SEZ6L: variants seen among roughly 807,000 people sequenced by gnomAD.
The protein encoded by SEZ6L is seizure 6-like protein.
In SEZ6L, 37 loss-of-function variants were observed where a neutral mutation model predicts 106.2. The observed-to-expected ratio is 0.35, with a 90% CI of 0.27 to 0.46. The LOEUF (loss-of-function observed/expected upper bound fraction) is 0.46. SEZ6L is among the 20% of genes least tolerant of loss of function. The pLI, the probability that SEZ6L is intolerant of heterozygous loss-of-function variation, is 1.00. For synonymous variants in SEZ6L, 541 were observed against 570.4 expected, an observed-to-expected ratio of 0.95 and a Z score of 0.73; for missense variants, 1,172 against 1,332.8, an observed-to-expected ratio of 0.88 and a Z score of 1.88.
chr22:26,304,404 GAAAGAAA>G (rs2081566386), intron 5 of SEZ6L, among the ~76,000 whole-genome samples: 2 of 145,620 alleles, frequency 1.4e-5, no homozygotes, highest in Admixed American at 6.9e-5. Flanking sequence ...AAGAAAGAAA[GAAAGAAA>G]GAAAGAAAGA....
At chr22:26,364,712 C>A (rs758202573) in intron 12 of SEZ6L, 1 of 152,414 alleles carries the variant, frequency 6.6e-6, no homozygotes, top group South Asian at 2.1e-4. Flanking sequence ...ATAGGCTCAT[C>A]TCCAATGAGG....
intron 1 of SEZ6L, among the ~76,000 whole-genome samples, chr22:26,234,166 T>A (rs1182990934): frequency 6.6e-6 from 1 of 152,156 alleles, no homozygotes; most frequent in Non-Finnish European, 1.5e-5. Flanking sequence ...GGTGTCAGGA[T>A]CCAAGAGAGG....
At chr22:26,334,892 A>AGCCT (rs2082598067) in intron 9 of SEZ6L, among the ~76,000 whole-genome samples, 1 of 152,148 alleles carries the variant, frequency 6.6e-6, no homozygotes, top group Admixed American at 6.5e-5. Flanking sequence ...AGTCAGACCA[A>AGCCT]GCCTGCCTGC....
chr22:26,253,307 A>T (rs985612895), intron 1 of SEZ6L, among the ~76,000 whole-genome samples: 1 of 152,300 alleles, frequency 6.6e-6, no homozygotes, highest in East Asian at 1.9e-4. Flanking sequence ...CCACTCCTGC[A>T]TAAAATGTGT....
intron 1 of SEZ6L, among the ~76,000 whole-genome samples, chr22:26,245,835 T>C (rs560184758): frequency 5.4e-4 from 83 of 152,342 alleles, no homozygotes; most frequent in Admixed American, 1.2e-3. Context: ...TTGCTGCTAC[T>C]GCTGCTATTG....
chr22:26,210,647 T>C (rs573364974), intron 1 of SEZ6L, among the ~76,000 whole-genome samples: 1 of 152,066 alleles, frequency 6.6e-6, no homozygotes, highest in Non-Finnish European at 1.5e-5. Context: ...CCCGTGCACA[T>C]TTCCTCTTTT....
intron 1 of SEZ6L, among the ~76,000 whole-genome samples, chr22:26,247,623 G>C (rs2079406118): frequency 6.6e-6 from 1 of 152,136 alleles, no homozygotes; most frequent in Admixed American, 6.5e-5. Context: ...TTCTTCCCCG[G>C]AGCCTACAGA....
intron 1 of SEZ6L, among the ~76,000 whole-genome samples, chr22:26,282,092 C>A (rs979009599): frequency 6.6e-6 from 1 of 152,210 alleles, no homozygotes; most frequent in African/African-American, 2.4e-5. Context: ...GGGCAAACAT[C>A]TCTCTGTAGG....
rs1263842997 is a variant in SEZ6L at position 26,241,775 on chromosome 22, T to TCTTAGGATAAGCCTCTTATC, written c.95-50624_95-50623insTAAGCCTCTTATCCTTAGGA. 5.9e-5 allele frequency among the ~76,000 whole-genome samples: 9 copies of TCTTAGGATAAGCCTCTTATC among 152,296 alleles called. No homozygotes were observed. The East Asian group carries it at 1.5e-3, about 26-fold the overall frequency. ...TTTGGGCTCTCAGATTCCCATCTTATCTTAGGAGGAGCCTCTTTGCCTCAT... is the reference window on the plus strand; with the variant it reads ...TTTGGGCTCTCAGATTCCCATCTTATCTTAGGATAAGCCTCTTATCCTTAGGAGGAGCCTCTTTGCCTCAT... On this transcript the variant is annotated intron_variant, in intron 1 of 16. Transcript: ENST00000248933.
chr22:26,323,433 G>C (rs2082213106), intron 9 of SEZ6L, among the ~76,000 whole-genome samples: 1 of 152,154 alleles, frequency 6.6e-6, no homozygotes, highest in Non-Finnish European at 1.5e-5. Context: ...AGGAGTTCAA[G>C]ACCAGCCTGG....
chr22:26,233,859 T>C (rs2078876387), intron 1 of SEZ6L, among the ~76,000 whole-genome samples: 1 of 152,090 alleles, frequency 6.6e-6, no homozygotes, highest in Admixed American at 6.5e-5. Flanking sequence ...ACATTTGAGC[T>C]GGGGCCTGGG....
chr22:26,227,992 T>C (rs1296136541), intron 1 of SEZ6L, among the ~76,000 whole-genome samples: 2 of 152,140 alleles, frequency 1.3e-5, no homozygotes, highest in Admixed American at 6.5e-5. Flanking sequence ...ATAATGTGCA[T>C]TGATAAAATT....
At position 26,304,212 on chromosome 22, in the gene SEZ6L, C is replaced by T. The variant is rs183758674; in HGVS notation, c.1349-1767C>T. The stretch of plus-strand genomic sequence containing the variant: ...ACTAAAAATACAAAAATTAGCTGGG[C>T]GCGGTGGTGGGCACCTGTAATCCCA... On this transcript the variant is annotated intron_variant, in intron 5 of 16. Coordinates refer to ENST00000248933, the MANE Select transcript of SEZ6L (RefSeq NM_021115.5). Among the ~76,000 whole-genome samples, 423 of 151,752 alleles carry T rather than the reference C, an allele frequency of 2.8e-3. 2 individuals are homozygous for T. Among genetic ancestry groups the T allele is most frequent in the African/African-American group, 9.3e-3 (383 of 41,388 alleles).
intron 1 of SEZ6L, among the ~76,000 whole-genome samples, chr22:26,245,647 G>A (rs367735280): frequency 2.0e-5 from 3 of 152,148 alleles, no homozygotes; most frequent in Admixed American, 2.0e-4. Flanking sequence ...TTGTTATTTG[G>A]CATTGTGATT....
At chr22:26,233,213 G>A (rs1271623162) in intron 1 of SEZ6L, among the ~76,000 whole-genome samples, 1 of 152,206 alleles carries the variant, frequency 6.6e-6, no homozygotes, top group Admixed American at 6.5e-5. Context: ...ATTGTCTGAA[G>A]CCTTTCCCTG....
chr22:26,267,267 A>G (rs2080220440), intron 1 of SEZ6L, among the ~76,000 whole-genome samples: 2 of 152,138 alleles, frequency 1.3e-5, no homozygotes, highest in African/African-American at 4.8e-5. Flanking sequence ...GGCTTTACTA[A>G]TCCTGTGATA....
At chr22:26,266,527 C>T (rs1388003906) in intron 1 of SEZ6L, among the ~76,000 whole-genome samples, 10 of 151,368 alleles carry the variant, frequency 6.6e-5, no homozygotes, top group East Asian at 2.0e-4. Flanking sequence ...GAGCCGAGAT[C>T]GCACCACTGC....
chr22:26,215,299 G>T (rs1015767670), intron 1 of SEZ6L, among the ~76,000 whole-genome samples: 2 of 152,142 alleles, frequency 1.3e-5, no homozygotes, highest in Admixed American at 1.3e-4. Context: ...AATGGTGGAG[G>T]TTAGACTCTA....
At chr22:26,216,683 A>T (rs1245654158) in intron 1 of SEZ6L, among the ~76,000 whole-genome samples, 3 of 152,066 alleles carry the variant, frequency 2.0e-5, no homozygotes, top group Non-Finnish European at 2.9e-5. Context: ...AGAAAAAGAA[A>T]AAGAAAAAGA....
Sources: gnomAD v4.1 joint callset for allele counts (sites outside exome capture counted in the v4.1 genomes callset) on GRCh38, gnomAD v4.1.1 for gene constraint, MANE v1.5 for transcripts, NCBI Gene and HGNC (gene_info 2026-07-23, HGNC 2026-07-21) for gene names.